Variants in CCDC88A observed in about 807,000 individuals in gnomAD.
The protein encoded by CCDC88A is coiled-coil and HOOK domain protein 88A.
CCDC88A carries 54 observed loss-of-function variants against 234.3 expected under a neutral mutation model. That is an observed-to-expected ratio of 0.23 (90% confidence interval 0.19 to 0.29). The LOEUF is 0.29. Ranked by LOEUF, CCDC88A falls within the 10% of genes least tolerant of loss-of-function variation. CCDC88A has a pLI of 1.00. For synonymous variants in CCDC88A, 753 were observed against 737.8 expected (o/e 1.02, Z -0.33); for missense variants, 1,832 against 2,123.4 (o/e 0.86, Z 2.70).
In CCDC88A at chr2:55,404,588, T is replaced by C. The variant is rs200912341; in HGVS notation, c.164+14228A>G. 7 of 152,016 alleles carry C rather than the reference T, an allele frequency of 4.6e-5. No homozygotes were observed. In the East Asian group the frequency reaches 7.7e-4, roughly 17 times the overall value. 9.4% of individuals were successfully genotyped at this position (152,016 alleles called of 1,614,324 possible). A position where few individuals can be genotyped will look rare whatever the true frequency, so the allele number is the denominator to read the frequency against. On this transcript the variant is annotated intron_variant, in intron 2 of 32. Coordinates refer to ENST00000436346, the MANE Select transcript of CCDC88A (RefSeq NM_001365480.1). ...AGACAAAAAATAGCCACACATACAT[T>C]TGAGATGCAATGAACCAAGTTAGAG...
At chr2:55,293,611 TACAACA>T (rs372937548) in intron 31 of CCDC88A, 1 of 151,780 alleles carries the variant, frequency 6.6e-6, no homozygotes, top group African/African-American at 2.4e-5. Flanking sequence ...AACCACTTAA[TACAACA>T]ACAACAACAA....
chr2:55,356,026 C>T (rs775285247), intron 7 of CCDC88A: 2 of 212,128 alleles, frequency 9.4e-6, no homozygotes, highest in African/African-American at 2.3e-5. Flanking sequence ...CTGGGGTACA[C>T]GTGCAGGGTA....
intron 8 of CCDC88A, 61 bp from the exon 9 acceptor site, chr2:55,349,660 C>A: frequency 9.0e-7 from 1 of 1,106,036 alleles, no homozygotes; most frequent in South Asian, 1.3e-5. Flanking sequence ...TCATCATCTG[C>A]GTTAATATAA....
At chr2:55,417,775 T>G (rs1348809903) in intron 2 of CCDC88A, 3 of 152,036 alleles carry the variant, frequency 2.0e-5, no homozygotes, top group Non-Finnish European at 4.4e-5. Context: ...CATAAAAATC[T>G]AAACCAATAA....
At chr2:55,343,063 G>C (rs1668701835) in intron 12 of CCDC88A, among the ~76,000 whole-genome samples, 1 of 152,224 alleles carries the variant, frequency 6.6e-6, no homozygotes, top group Non-Finnish European at 1.5e-5. Context: ...AAGAGGACAA[G>C]TCAATGTGAA....
chr2:55,380,738 C>A (rs572245862), intron 3 of CCDC88A, among the ~76,000 whole-genome samples: 1 of 152,290 alleles, frequency 6.6e-6, no homozygotes, highest in South Asian at 2.1e-4. Flanking sequence ...GCCTCACCCT[C>A]CCAAGTAGCT....
intron 16 of CCDC88A, chr2:55,329,417 A>G (rs1684658482): frequency 6.6e-6 from 1 of 152,140 alleles, no homozygotes; most frequent in Non-Finnish European, 1.5e-5. Context: ...TTTCTTCTCA[A>G]TCAGATTTTA....
intron 7 of CCDC88A, among the ~76,000 whole-genome samples, chr2:55,360,448 G>C (rs768530111): frequency 2.0e-5 from 3 of 151,968 alleles, no homozygotes; most frequent in Admixed American, 6.6e-5. Context: ...AGCCCAAATT[G>C]AGGGAAAAAA....
At chr2:55,377,259 G>A (rs933106284) in intron 3 of CCDC88A, among the ~76,000 whole-genome samples, 1 of 142,008 alleles carries the variant, frequency 7.0e-6, no homozygotes, top group Non-Finnish European at 1.5e-5. Flanking sequence ...GTACATCGGT[G>A]CAATCACAGC....
Position 55,315,966 on chromosome 2 carries a change from A to G in CCDC88A, c.3895T>C (p.Leu1299=), listed in dbSNP as rs147743107. Residue 1299 remains leucine, a synonymous_variant, in exon 22 of 33, where the codon TTG becomes CTG. Coordinates refer to ENST00000436346, the MANE Select transcript of CCDC88A (RefSeq NM_001365480.1). ...TTCAGCTTGGTTGATGTAATATCCA[A>G]TTGTTGGTATTGTTCCTTTAGTTTT... ...FSKLKEQYQQ[L]DITSTKLNNQ... 4.2e-4 allele frequency: 667 copies of G among 1,584,264 alleles called. 1 individual carries two copies. The highest frequency in any genetic ancestry group is 5.3e-4 in the Non-Finnish European group (614 of 1,167,716).
At chr2:55,363,747 G>T (rs1671616195) in intron 6 of CCDC88A, 4 of 421,418 alleles carry the variant, frequency 9.5e-6, no homozygotes, top group Non-Finnish European at 1.3e-5. Context: ...TAGAATAAAG[G>T]CAAGAGTATA....
intron 32 of CCDC88A, 123 bp from the exon 33 acceptor site, chr2:55,291,287 G>A (rs1679425068): frequency 6.5e-6 from 1 of 153,240 alleles, no homozygotes; most frequent in Non-Finnish European, 1.5e-5. Context: ...CTATAAGAAT[G>A]AGAATGACAG....
At chr2:55,401,376 G>C (rs549944313) in intron 2 of CCDC88A, among the ~76,000 whole-genome samples, 5 of 146,240 alleles carry the variant, frequency 3.4e-5, no homozygotes, top group African/African-American at 1.3e-4. Context: ...AGAAGCTTCA[G>C]TGAACTATGA....
At position 55,346,166 on chromosome 2, in the gene CCDC88A, G is replaced by A. The variant is rs377607543; in HGVS notation, c.1041+9C>T. 28 of 1,569,668 alleles carry A rather than the reference G, an allele frequency of 1.8e-5. No individual in the cohort carries two copies. Among genetic ancestry groups the A allele is most frequent in the Non-Finnish European group, 2.4e-5 (28 of 1,156,118 alleles). On this transcript the variant is annotated intron_variant, in intron 10 of 32. Transcript: ENST00000436346. ...AAAAAAATCATGAATGGTTAATTAT[G>A]CAACATACCTCAACTCTTGCCTTAT...
At chr2:55,382,567 C>T (rs1674772720) in intron 3 of CCDC88A, among the ~76,000 whole-genome samples, 1 of 152,166 alleles carries the variant, frequency 6.6e-6, no homozygotes, top group Non-Finnish European at 1.5e-5. Flanking sequence ...TTCACCATCT[C>T]TCCCTTATTC....
chr2:55,312,664 T>G, intron 22 of CCDC88A, 85 bp from the exon 23 acceptor site: 1 of 959,426 alleles, frequency 1.0e-6, no homozygotes, highest in Non-Finnish European at 1.6e-6. Context: ...TACACAAAGA[T>G]TTAAGTGTTC....
intron 5 of CCDC88A, among the ~76,000 whole-genome samples, chr2:55,371,768 G>A (rs1366748632): frequency 8.2e-6 from 1 of 122,630 alleles, no homozygotes; most frequent in Non-Finnish European, 1.7e-5. Context: ...TTACAGGCAT[G>A]AGCCACCACG....
chr2:55,376,739 A>G (rs1230133596), intron 3 of CCDC88A, among the ~76,000 whole-genome samples: 2 of 152,250 alleles, frequency 1.3e-5, no homozygotes, highest in African/African-American at 4.8e-5. Flanking sequence ...TTAATGAATT[A>G]GTTTTCCAAT....
chr2:55,379,035 T>TG (rs1265249590), intron 3 of CCDC88A, among the ~76,000 whole-genome samples: 2 of 152,196 alleles, frequency 1.3e-5, no homozygotes, highest in Non-Finnish European at 2.9e-5. Flanking sequence ...CATGAACCAC[T>TG]GCGCCCGGCC....
Sources: allele counts gnomAD v4.1 joint callset (sites outside exome capture counted in the v4.1 genomes callset), GRCh38; gene constraint gnomAD v4.1.1; transcripts MANE v1.5; gene names NCBI Gene and HGNC (gene_info 2026-07-23, HGNC 2026-07-21).